The following CNTNAP2 variants were observed in gnomAD, a reference collection of about 807,000 sequenced individuals.
CNTNAP2 encodes contactin associated protein 2.
CNTNAP2 carries 98 observed loss-of-function variants against 155.2 expected under a neutral mutation model. The ratio of observed to expected loss-of-function variants is 0.63; its 90% CI spans 0.54 to 0.75. The LOEUF (loss-of-function observed/expected upper bound fraction) is 0.75. Among genes scored for constraint, CNTNAP2 ranks in the 30% least tolerant of loss-of-function variants. The pLI is 0.00. For missense variants in CNTNAP2, 1,727 were observed against 1,688.1 expected (o/e 1.02, Z -0.40); for synonymous variants, 651 against 631.2 (o/e 1.03, Z -0.47).
chr7:148,293,087 A>T (rs1918293), intron 21 of CNTNAP2, among the ~76,000 whole-genome samples: 11 of 55,368 alleles, frequency 2.0e-4, no homozygotes, highest in South Asian at 9.6e-4. Context: ...ATAAAATAAA[A>T]TAAAATAAAT....
intron 9 of CNTNAP2, among the ~76,000 whole-genome samples, chr7:147,384,155 G>C (rs1226557214): frequency 6.6e-6 from 1 of 152,060 alleles, no homozygotes. Flanking sequence ...GCTGAAACAT[G>C]GTGACCAAGG....
rs7805375 is a variant in CNTNAP2, at chr7:147,169,525, C to T, written c.1348+37016C>T. Among the ~76,000 whole-genome samples the T allele has an allele frequency of 4.1e-3, 627 of 152,080 alleles. 7 individuals are homozygous for T. Among genetic ancestry groups the T allele is most frequent in the African/African-American group, 0.014 (592 of 41,478 alleles). ...TAGCTCTTACTTATAAGTGAGAACA[C>T]GCGGTATTTGGTTTTCTTTTCCTGT... On this transcript the variant is annotated intron_variant, in intron 8 of 23. Coordinates refer to ENST00000361727, the MANE Select transcript of CNTNAP2 (RefSeq NM_014141.6).
chr7:147,270,440 G>A lies in CNTNAP2; in HGVS notation c.1349-29701G>A, dbSNP rs531134019. Among the ~76,000 whole-genome samples, 141 of 152,220 alleles carry A rather than the reference G, an allele frequency of 9.3e-4. 2 individuals carry two copies. The highest frequency in any genetic ancestry group is 3.4e-3 in the Middle Eastern group (1 of 294). On this transcript the variant is annotated intron_variant, in intron 8 of 23. Transcript: ENST00000361727. ...GTAAAATAGATACGAAAATTAAGTC[G>A]CTGGTTACTTTATCCTTTTATTAAA...
At chr7:147,882,704 T>C (rs934456216) in intron 13 of CNTNAP2, among the ~76,000 whole-genome samples, 1 of 152,170 alleles carries the variant, frequency 6.6e-6, no homozygotes, top group African/African-American at 2.4e-5. Context: ...TGTACCTCTA[T>C]AGTCTCCCAA....
intron 1 of CNTNAP2, among the ~76,000 whole-genome samples, chr7:146,170,304 G>A (rs1287341479): frequency 1.3e-5 from 2 of 152,122 alleles, no homozygotes; most frequent in African/African-American, 4.8e-5. Context: ...AGGATTACAG[G>A]CATTAGTGAC....
At chr7:147,620,532 A>AT (rs551070268) in intron 12 of CNTNAP2, among the ~76,000 whole-genome samples, 1 of 150,232 alleles carries the variant, frequency 6.7e-6, no homozygotes, top group African/African-American at 2.4e-5. Context: ...ATAATTATAT[A>AT]TTTTTTAAAT....
chr7:147,838,248 C>A (rs187177136), intron 13 of CNTNAP2, among the ~76,000 whole-genome samples: 25 of 152,270 alleles, frequency 1.6e-4, no homozygotes, highest in African/African-American at 5.8e-4. Context: ...ATTTTTCTCT[C>A]CTAGGCCTCT....
At chr7:146,848,281 C>T (rs900522134) in intron 3 of CNTNAP2, among the ~76,000 whole-genome samples, 4 of 152,102 alleles carry the variant, frequency 2.6e-5, no homozygotes, top group Non-Finnish European at 5.9e-5. Context: ...ATTTGTGTTT[C>T]CAAACCAGAA....
intron 1 of CNTNAP2, among the ~76,000 whole-genome samples, chr7:146,630,047 A>G (rs764935483): frequency 2.0e-5 from 3 of 151,608 alleles, no homozygotes; most frequent in African/African-American, 4.8e-5. Flanking sequence ...TTTGTTACCT[A>G]GGTGGTTTGC....
intron 1 of CNTNAP2, among the ~76,000 whole-genome samples, chr7:146,433,886 C>G (rs1470597733): frequency 1.3e-5 from 2 of 152,120 alleles, no homozygotes; most frequent in Non-Finnish European, 2.9e-5. Context: ...AAGCAGCAAA[C>G]CTAACCACAG....
At chr7:146,868,755 G>C (rs958593351) in intron 3 of CNTNAP2, among the ~76,000 whole-genome samples, 1 of 152,020 alleles carries the variant, frequency 6.6e-6, no homozygotes, top group Non-Finnish European at 1.5e-5. Flanking sequence ...GTATTCCTCA[G>C]TATTTTCTTC....
At chr7:146,819,444 C>T (rs900399287) in intron 2 of CNTNAP2, among the ~76,000 whole-genome samples, 1 of 152,144 alleles carries the variant, frequency 6.6e-6, no homozygotes, top group Admixed American at 6.6e-5. Context: ...CACAATGCCA[C>T]ACACTCTCAC....
At chr7:147,750,140 C>G (rs569708314) in intron 13 of CNTNAP2, among the ~76,000 whole-genome samples, 91 of 152,300 alleles carry the variant, frequency 6.0e-4, no homozygotes, top group African/African-American at 2.0e-3. Flanking sequence ...GCCTTGTGCC[C>G]TTGCACAAAT....
At chr7:146,976,172 C>T (rs967322611) in intron 3 of CNTNAP2, among the ~76,000 whole-genome samples, 1 of 152,164 alleles carries the variant, frequency 6.6e-6, no homozygotes, top group Non-Finnish European at 1.5e-5. Flanking sequence ...GAGGTAAAAA[C>T]ACAAACTGTT....
At chr7:147,032,627 T>A (rs528368348) in intron 3 of CNTNAP2, among the ~76,000 whole-genome samples, 32 of 149,412 alleles carry the variant, frequency 2.1e-4, no homozygotes, top group Middle Eastern at 3.4e-3. Flanking sequence ...TGTATTATAG[T>A]AAAACGCTGG....
chr7:147,193,956 T>C (rs1584784121), intron 8 of CNTNAP2, among the ~76,000 whole-genome samples: 1 of 152,022 alleles, frequency 6.6e-6, no homozygotes, highest in Admixed American at 6.6e-5. Context: ...TAGATTGTTT[T>C]TTTTTTCTTC....
intron 21 of CNTNAP2, among the ~76,000 whole-genome samples, chr7:148,299,941 T>C (rs1797353506): frequency 6.6e-6 from 1 of 152,216 alleles, no homozygotes; most frequent in Admixed American, 6.5e-5. Context: ...GATTTGATGC[T>C]GAATATAGGC....
intron 1 of CNTNAP2, among the ~76,000 whole-genome samples, chr7:146,583,666 A>G (rs1033209512): frequency 1.3e-5 from 2 of 152,224 alleles, no homozygotes; most frequent in African/African-American, 2.4e-5. Flanking sequence ...CAAGATTAAT[A>G]TAGGTCTTGT....
intron 13 of CNTNAP2, chr7:147,643,377 C>T (rs1017343660): frequency 1.3e-5 from 2 of 152,168 alleles, no homozygotes; most frequent in African/African-American, 4.8e-5. Context: ...TCCCAATTTT[C>T]ATTTTCCAGG....
Sources: allele counts gnomAD v4.1 joint callset (sites outside exome capture counted in the v4.1 genomes callset), GRCh38; gene constraint gnomAD v4.1.1; transcripts MANE v1.5; gene names NCBI Gene and HGNC (gene_info 2026-07-23, HGNC 2026-07-21).